CNTNAP2: variants seen among roughly 807,000 people sequenced by gnomAD.
The protein encoded by CNTNAP2 is contactin-associated protein-like 2.
Under a neutral mutation model 155.2 loss-of-function variants are expected in CNTNAP2, and 98 were observed. That is an observed-to-expected ratio of 0.63 (90% CI 0.54 to 0.75). CNTNAP2 has a LOEUF of 0.75. Among genes scored for constraint, CNTNAP2 ranks in the 30% least tolerant of loss-of-function variants. The pLI is 0.00. For missense variants in CNTNAP2, 1,727 were observed against 1,688.1 expected (o/e 1.02, Z -0.40); for synonymous variants, 651 against 631.2 (o/e 1.03, Z -0.47).
intron 13 of CNTNAP2, among the ~76,000 whole-genome samples, chr7:147,709,385 A>G (rs1231360107): frequency 1.3e-5 from 2 of 152,186 alleles, no homozygotes; most frequent in Admixed American, 1.3e-4. Flanking sequence ...ACTCCATCTC[A>G]GCATCTGTTT....
At chr7:146,933,025 T>C (rs940504346) in intron 3 of CNTNAP2, among the ~76,000 whole-genome samples, 14 of 152,224 alleles carry the variant, frequency 9.2e-5, no homozygotes, top group East Asian at 5.8e-4. Context: ...AGGTAATTTA[T>C]AGATTCAATG....
chr7:146,996,004 T>C (rs935389343), intron 3 of CNTNAP2, among the ~76,000 whole-genome samples: 1 of 152,262 alleles, frequency 6.6e-6, no homozygotes, highest in Non-Finnish European at 1.5e-5. Flanking sequence ...TGTTTTGTTT[T>C]TGTTTTTGTT....
intron 21 of CNTNAP2, among the ~76,000 whole-genome samples, chr7:148,301,299 A>AC (rs1402094547): frequency 2.0e-5 from 1 of 50,196 alleles, no homozygotes; most frequent in East Asian, 8.4e-4. Flanking sequence ...GTCTAAAAAA[A>AC]AAAAAAAATA....
chr7:146,612,630 A>G lies in CNTNAP2; in HGVS notation c.98-161641A>G, dbSNP rs527946451. ...ATTAGAAGTTTTTCTTTAAGATGTC[A>G]TTTTTATTTTCTGAAAAAGCATTTA... On this transcript the variant is annotated intron_variant, in intron 1 of 23. Coordinates refer to ENST00000361727, the MANE Select transcript of CNTNAP2 (RefSeq NM_014141.6). 7.2e-5 allele frequency among the ~76,000 whole-genome samples: 11 copies of G among 152,018 alleles called. No individual in the cohort carries two copies. The South Asian group carries it at 2.3e-3, about 32-fold the overall frequency.
chr7:147,221,341 A>C (rs1803395153), intron 8 of CNTNAP2, among the ~76,000 whole-genome samples: 1 of 152,206 alleles, frequency 6.6e-6, no homozygotes, highest in African/African-American at 2.4e-5. Context: ...AAAGCTCAGA[A>C]ACCAACACAA....
chr7:146,276,110 TG>T (rs1464335497), intron 1 of CNTNAP2, among the ~76,000 whole-genome samples: 1 of 152,192 alleles, frequency 6.6e-6, no homozygotes, highest in Non-Finnish European at 1.5e-5. Context: ...TGAACCAGAA[TG>T]CCATTTATTA....
chr7:146,930,644 T>G (rs991710263), intron 3 of CNTNAP2, among the ~76,000 whole-genome samples: 1 of 152,126 alleles, frequency 6.6e-6, no homozygotes, highest in Non-Finnish European at 1.5e-5. Context: ...GACTGGCAAA[T>G]TGGATAAAGA....
intron 3 of CNTNAP2, among the ~76,000 whole-genome samples, chr7:146,998,488 G>A (rs1264477044): frequency 6.6e-6 from 1 of 151,964 alleles, no homozygotes; most frequent in African/African-American, 2.4e-5. Flanking sequence ...AAGTAAGAAG[G>A]AGGTGTATTC....
intron 3 of CNTNAP2, among the ~76,000 whole-genome samples, chr7:146,844,912 A>C (rs1164741643): frequency 6.6e-6 from 1 of 152,170 alleles, no homozygotes; most frequent in Non-Finnish European, 1.5e-5. Flanking sequence ...TTAAATGGAG[A>C]ATTCTACAGA....
At chr7:146,861,697 A>G (rs1394064914) in intron 3 of CNTNAP2, among the ~76,000 whole-genome samples, 1 of 152,174 alleles carries the variant, frequency 6.6e-6, no homozygotes, top group Non-Finnish European at 1.5e-5. Context: ...ACTGCTTCTC[A>G]GTATCCTACA....
chr7:147,105,610 G>T (rs193044454), intron 4 of CNTNAP2, among the ~76,000 whole-genome samples: 292 of 152,100 alleles, frequency 1.9e-3, no homozygotes, highest in African/African-American at 6.7e-3. Context: ...TACATGGTAT[G>T]TGTTAAAGTG....
chr7:148,398,862 G>A (rs1799526859), intron 22 of CNTNAP2, among the ~76,000 whole-genome samples: 2 of 152,278 alleles, frequency 1.3e-5, no homozygotes, highest in Middle Eastern at 3.4e-3. Flanking sequence ...CTGCCTAAGA[G>A]GAAAGGTGAA....
intron 1 of CNTNAP2, among the ~76,000 whole-genome samples, chr7:146,291,151 A>T (rs1800422492): frequency 6.6e-6 from 1 of 152,164 alleles, no homozygotes; most frequent in Admixed American, 6.5e-5. Flanking sequence ...AATCCTTAAG[A>T]TTTTTCTAAG....
chr7:146,801,577 A>G (rs997428888), intron 2 of CNTNAP2, among the ~76,000 whole-genome samples: 9 of 152,204 alleles, frequency 5.9e-5, no homozygotes, highest in Non-Finnish European at 1.2e-4. Context: ...AGGGAAAAAT[A>G]TGCTTTTTAA....
intron 16 of CNTNAP2, among the ~76,000 whole-genome samples, chr7:148,135,410 A>G (rs1804916126): frequency 6.6e-6 from 1 of 152,228 alleles, no homozygotes; most frequent in African/African-American, 2.4e-5. Context: ...ATTTCCACAC[A>G]TTCTGATCCA....
At chr7:147,832,590 T>C (rs890307920) in intron 13 of CNTNAP2, among the ~76,000 whole-genome samples, 10 of 146,128 alleles carry the variant, frequency 6.8e-5, no homozygotes, top group African/African-American at 2.5e-4. Context: ...TTGAAATATA[T>C]ATTTTTACGT....
chr7:147,917,883 C>T (rs1437983083), intron 14 of CNTNAP2, among the ~76,000 whole-genome samples: 1 of 152,188 alleles, frequency 6.6e-6, no homozygotes, highest in African/African-American at 2.4e-5. Flanking sequence ...TTACCTCACT[C>T]ACACTGGGGC....
At chr7:147,688,267 A>G (rs1286920094) in intron 13 of CNTNAP2, among the ~76,000 whole-genome samples, 1 of 152,182 alleles carries the variant, frequency 6.6e-6, no homozygotes, top group East Asian at 1.9e-4. Context: ...AAAGAACAAA[A>G]TGTCGATAGC....
intron 10 of CNTNAP2, among the ~76,000 whole-genome samples, chr7:147,474,302 T>A (rs765156587): frequency 1.2e-4 from 18 of 151,242 alleles, no homozygotes; most frequent in Non-Finnish European, 2.1e-4. Flanking sequence ...TTAAAAAGTG[T>A]GACATTCTTG....
Sources: gnomAD v4.1 joint callset for allele counts (sites outside exome capture counted in the v4.1 genomes callset) on GRCh38, gnomAD v4.1.1 for gene constraint, MANE v1.5 for transcripts, NCBI Gene and HGNC (gene_info 2026-07-23, HGNC 2026-07-21) for gene names.